Variants in HIVEP3 observed in about 807,000 individuals in gnomAD.
HIVEP3 encodes the protein transcription factor HIVEP3.
A neutral mutation model predicts 152.8 loss-of-function variants in HIVEP3; 49 were observed. The ratio of observed to expected loss-of-function variants is 0.32; its 90% CI spans 0.26 to 0.41. The LOEUF (loss-of-function observed/expected upper bound fraction) is 0.41. Ranked by LOEUF, HIVEP3 falls within the 10% of genes least tolerant of loss-of-function variation. The probability of loss-of-function intolerance (pLI) is 1.00; values close to 1 mark genes in which losing one functional copy is unlikely to be tolerated. For synonymous variants in HIVEP3, 1,269 were observed against 1,289.0 expected (o/e 0.98, Z 0.33); for missense variants, 2,790 against 3,103.3 (o/e 0.90, Z 2.40).
intron 1 of HIVEP3, among the ~76,000 whole-genome samples, chr1:41,723,501 CCACACACACA>C (rs35823066): frequency 1.4e-5 from 2 of 146,552 alleles, no homozygotes; most frequent in South Asian, 2.2e-4. Flanking sequence ...CACACAGCCA[CCACACACACA>C]CACACACACA....
chr1:41,855,554 C>T (rs1405146562), intron 1 of HIVEP3, among the ~76,000 whole-genome samples: 1 of 152,178 alleles, frequency 6.6e-6, no homozygotes, highest in East Asian at 1.9e-4. Context: ...CATGAACAGA[C>T]ACTTCTTGCT....
intron 1 of HIVEP3, among the ~76,000 whole-genome samples, chr1:41,781,629 C>G (rs1649047518): frequency 6.6e-6 from 1 of 152,180 alleles, no homozygotes; most frequent in Admixed American, 6.5e-5. Flanking sequence ...CTTCTAAAGG[C>G]TCCTGAAAAC....
chr1:41,779,393 G>T (rs1190589409), intron 1 of HIVEP3, among the ~76,000 whole-genome samples: 3 of 152,222 alleles, frequency 2.0e-5, no homozygotes, highest in African/African-American at 7.2e-5. Flanking sequence ...TATCACAGGG[G>T]CTATTGTGAG....
At chr1:41,768,514 T>C (rs753869351) in intron 1 of HIVEP3, among the ~76,000 whole-genome samples, 3 of 152,252 alleles carry the variant, frequency 2.0e-5, no homozygotes, top group Non-Finnish European at 4.4e-5. Flanking sequence ...TAGATAGTTC[T>C]ACCAATCTGT....
chr1:41,814,125 T>A (rs1479339386), intron 1 of HIVEP3, among the ~76,000 whole-genome samples: 1 of 152,196 alleles, frequency 6.6e-6, no homozygotes, highest in Non-Finnish European at 1.5e-5. Context: ...CACTGAGTAA[T>A]GAGAGCTGAG....
At chr1:42,013,905 CT>C (rs1235679823) in intron 1 of HIVEP3, among the ~76,000 whole-genome samples, 1 of 152,150 alleles carries the variant, frequency 6.6e-6, no homozygotes, top group African/African-American at 2.4e-5. Context: ...CATAATATTC[CT>C]CTACCCATGT....
chr1:41,777,523 G>A (rs1422023124), intron 1 of HIVEP3, among the ~76,000 whole-genome samples: 2 of 152,182 alleles, frequency 1.3e-5, no homozygotes, highest in Non-Finnish European at 2.9e-5. Flanking sequence ...CCTGGTCCAC[G>A]GTATTTAACT....
intron 5 of HIVEP3, among the ~76,000 whole-genome samples, chr1:41,569,342 A>G (rs1265366634): frequency 6.6e-6 from 1 of 152,222 alleles, no homozygotes; most frequent in Admixed American, 6.5e-5. Flanking sequence ...CCACGCCACC[A>G]ACCCTCCTGT....
intron 1 of HIVEP3, among the ~76,000 whole-genome samples, chr1:41,961,245 A>G (rs539235829): frequency 6.6e-6 from 1 of 152,330 alleles, no homozygotes; most frequent in South Asian, 2.1e-4. Context: ...AGCTCCAACC[A>G]TCATCAGACT....
intron 2 of HIVEP3, among the ~76,000 whole-genome samples, chr1:41,671,363 T>A (rs923362762): frequency 6.6e-6 from 1 of 152,210 alleles, no homozygotes; most frequent in African/African-American, 2.4e-5. Flanking sequence ...CATCTGCTCT[T>A]CCGTCCCAGA....
chr1:41,594,486 T>C (rs747228937), intron 3 of HIVEP3, among the ~76,000 whole-genome samples: 2 of 152,214 alleles, frequency 1.3e-5, no homozygotes, highest in Non-Finnish European at 1.5e-5. Flanking sequence ...CCTCCCGAAG[T>C]GCTGGGATTA....
chr1:41,844,595 G>T (rs1643383576), intron 1 of HIVEP3, among the ~76,000 whole-genome samples: 2 of 152,116 alleles, frequency 1.3e-5, no homozygotes, highest in South Asian at 4.1e-4. Flanking sequence ...TTTCTAAGTG[G>T]GGAAACTACA....
At chr1:41,613,243 C>T (rs1477575820) in intron 3 of HIVEP3, among the ~76,000 whole-genome samples, 1 of 152,252 alleles carries the variant, frequency 6.6e-6, no homozygotes, top group Non-Finnish European at 1.5e-5. Flanking sequence ...AGAACAGGAA[C>T]ACACCCCTGC....
chr1:41,583,551 T>C lies in HIVEP3; in HGVS notation c.1247A>G (p.Glu416Gly). The C allele has an allele frequency of 6.2e-7, 1 of 1,614,118 alleles. No individual in the cohort carries two copies. The highest frequency in any genetic ancestry group is 8.5e-7 in the Non-Finnish European group (1 of 1,180,018). The change falls in exon 4 of 9, where the codon GAG becomes GGG. Residue 416 changes from glutamate to glycine, a missense_variant. Physicochemically the swap from Glu to Gly is moderately conservative, Grantham distance 98 (BLOSUM62 -2). Around this residue, in one of 9 missense-constraint regions of HIVEP3, gnomAD observed 134 missense variants for 242.5 expected, o/e 0.55. Coordinates refer to ENST00000372583, the MANE Select transcript of HIVEP3 (RefSeq NM_024503.5). This position sits in a 1 kb window ranked among gnomAD's most constrained non-coding sequence, Gnocchi z 6.9. ...TCGCCCACACTTGCCAAAGATGATC[T>C]CAGCGTAGGACTTGGCGTTGGTGTT... Reference protein sequence around the residue: ...PPNTNAKSYAEIIFGKCGRIG... With the variant: ...PPNTNAKSYAGIIFGKCGRIG...
intron 2 of HIVEP3, among the ~76,000 whole-genome samples, chr1:41,690,810 C>T (rs535535860): frequency 1.3e-5 from 2 of 152,208 alleles, no homozygotes; most frequent in South Asian, 2.1e-4. Context: ...CCCAGCTACT[C>T]GGGAGGCTGA....
intron 2 of HIVEP3, among the ~76,000 whole-genome samples, chr1:41,678,181 C>T (rs533907906): frequency 6.6e-6 from 1 of 152,292 alleles, no homozygotes; most frequent in East Asian, 1.9e-4. Context: ...CTCGGCGATC[C>T]CCACAGCCTG....
chr1:41,543,778 A>G (rs1336634807), intron 5 of HIVEP3: 1 of 152,262 alleles, frequency 6.6e-6, no homozygotes, highest in Non-Finnish European at 1.5e-5. Flanking sequence ...AGGCTGCTAT[A>G]GACGTGGCTC....
intron 5 of HIVEP3, among the ~76,000 whole-genome samples, chr1:41,561,526 T>G (rs1414742440): frequency 6.6e-6 from 1 of 152,096 alleles, no homozygotes; most frequent in African/African-American, 2.4e-5. Flanking sequence ...TCACTTTTTT[T>G]TTTTTTGAGA....
intron 1 of HIVEP3, among the ~76,000 whole-genome samples, chr1:41,937,939 C>T (rs886575961): frequency 3.3e-5 from 5 of 152,194 alleles, no homozygotes; most frequent in African/African-American, 7.2e-5. Flanking sequence ...ACAAAGTATT[C>T]TATATGTGGA....
Sources: gnomAD v4.1 joint callset for allele counts (sites outside exome capture counted in the v4.1 genomes callset) on GRCh38, gnomAD v4.1.1 for gene constraint, gnomAD v4.1.1 regional missense constraint, Gnocchi (gnomAD v3.1) non-coding constraint, MANE v1.5 for transcripts, NCBI Gene and HGNC (gene_info 2026-07-23, HGNC 2026-07-21) for gene names.